Variants in GPHN observed in about 807,000 individuals in gnomAD.
The protein encoded by GPHN is gephyrin.
GPHN carries 17 observed loss-of-function variants against 95.5 expected under a neutral mutation model. That is an observed-to-expected ratio of 0.18 (90% CI 0.12 to 0.27). The LOEUF is 0.27. Ranked by LOEUF, GPHN falls within the 10% of genes least tolerant of loss-of-function variation. The pLI, the probability that GPHN is intolerant of heterozygous loss-of-function variation, is 1.00. For synonymous variants in GPHN, 320 were observed against 322.5 expected (o/e 0.99, Z 0.08); for missense variants, 660 against 978.1 (o/e 0.67, Z 4.34).
intron 17 of GPHN, among the ~76,000 whole-genome samples, chr14:67,134,936 C>T (rs1405253927): frequency 1.5e-3 from 87 of 59,346 alleles, no homozygotes; most frequent in Middle Eastern, 0.021. Flanking sequence ...CTCTTTTTTT[C>T]TCTTTCTTTC....
At chr14:67,299,449 C>T in the GPHN span, among the ~76,000 whole-genome samples, 1 of 152,058 alleles carries the variant, frequency 6.6e-6, no homozygotes, top group African/African-American at 2.4e-5. Context: ...TAACATACAT[C>T]ATTTTTATAA....
chr14:67,338,777 TG>T, the GPHN span: 1 of 1,598,978 alleles, frequency 6.3e-7, no homozygotes, highest in South Asian at 1.1e-5. Flanking sequence ...AAAATACAGG[TG>T]GGGGTGGATT....
chr14:67,054,242 A>G (rs2075444345), intron 10 of GPHN, among the ~76,000 whole-genome samples: 1 of 152,236 alleles, frequency 6.6e-6, no homozygotes, highest in Non-Finnish European at 1.5e-5. Context: ...TCTTAAGCTG[A>G]TAAGCACCTT....
Position 67,180,682 on chromosome 14 carries a change from A to G in GPHN, c.2177-122A>G, listed in dbSNP as rs1427649862. 6.7e-6 allele frequency: 6 copies of G among 892,164 alleles called. No individual in the cohort carries two copies. In the African/African-American group the frequency reaches 9.9e-5, roughly 15 times the overall value. The allele number at this position is 892,164 out of a possible 1,614,324, so 55.3% of individuals were successfully genotyped here. A position where few individuals can be genotyped will look rare whatever the true frequency, so the allele number is the denominator to read the frequency against. Reference sequence around the variant, plus strand: ...CCTGAAAAAGGTACTGGAAAGTTTGATCATCCCTTCTCCTCTTGAAGACCC... The same window carrying G: ...CCTGAAAAAGGTACTGGAAAGTTTGGTCATCCCTTCTCCTCTTGAAGACCC... On this transcript the variant is annotated intron_variant, in intron 22 of 22. Coordinates refer to ENST00000478722, the MANE Select transcript of GPHN (RefSeq NM_020806.5).
At chr14:67,286,672 C>G in the GPHN span, among the ~76,000 whole-genome samples, 10 of 144,418 alleles carry the variant, frequency 6.9e-5, no homozygotes, top group African/African-American at 2.3e-4. Flanking sequence ...CCTGGGCAAC[C>G]TGGTGAAACT....
chr14:67,530,164 C>T, the GPHN span, among the ~76,000 whole-genome samples: 1 of 152,206 alleles, frequency 6.6e-6, no homozygotes, highest in African/African-American at 2.4e-5. Flanking sequence ...TCGTAAACTC[C>T]AGCCAATATT....
the GPHN span, among the ~76,000 whole-genome samples, chr14:67,618,678 GC>G: frequency 6.6e-6 from 1 of 152,152 alleles, no homozygotes; most frequent in African/African-American, 2.4e-5. Context: ...ACCATGTGCA[GC>G]CAGTTTCTTC....
the GPHN span, chr14:67,199,141 C>T: frequency 3.3e-5 from 50 of 1,502,580 alleles, 1 homozygote; most frequent in Middle Eastern, 5.1e-4. Flanking sequence ...GTTAGTGAAC[C>T]GCTACTGTGG....
chr14:66,820,013 ATAT>A (rs1470989085), intron 3 of GPHN, among the ~76,000 whole-genome samples: 7 of 152,100 alleles, frequency 4.6e-5, no homozygotes, highest in African/African-American at 1.4e-4. Flanking sequence ...ATTAGAAGAG[ATAT>A]TATATGCTGA....
At chr14:66,550,847 T>G (rs963245410) in intron 1 of GPHN, among the ~76,000 whole-genome samples, 1 of 144,600 alleles carries the variant, frequency 6.9e-6, no homozygotes, top group Non-Finnish European at 1.6e-5. Flanking sequence ...AGCAGTAAGG[T>G]TTTTTTTTGT....
chr14:66,872,983 T>C (rs374956608), intron 4 of GPHN, among the ~76,000 whole-genome samples: 1 of 151,950 alleles, frequency 6.6e-6, no homozygotes, highest in Admixed American at 6.6e-5. Context: ...AAAAGACGGT[T>C]GGGCAAGATG....
the GPHN span, chr14:67,569,086 G>C: frequency 2.1e-5 from 26 of 1,242,800 alleles, no homozygotes; most frequent in African/African-American, 2.8e-4. Context: ...CCTGGAGGGG[G>C]TGGGATGGGC....
At chr14:67,359,672 G>T in the GPHN span, 2 of 1,614,168 alleles carry the variant, frequency 1.2e-6, no homozygotes, top group Middle Eastern at 1.7e-4. Flanking sequence ...GCGAGGGAAA[G>T]ATTTCAATTC....
At chr14:67,250,347 C>T in the GPHN span, among the ~76,000 whole-genome samples, 1 of 152,112 alleles carries the variant, frequency 6.6e-6, no homozygotes, top group Non-Finnish European at 1.5e-5. Context: ...TTCATTTATG[C>T]TCAGAAGTAC....
chr14:67,103,093 T>A (rs2077809378), intron 13 of GPHN, among the ~76,000 whole-genome samples: 1 of 152,188 alleles, frequency 6.6e-6, no homozygotes, highest in Non-Finnish European at 1.5e-5. Context: ...TCTGGGTTTT[T>A]TCTTGAGACA....
At chr14:67,116,258 A>G (rs1295978989) in intron 16 of GPHN, among the ~76,000 whole-genome samples, 1 of 151,996 alleles carries the variant, frequency 6.6e-6, no homozygotes, top group Non-Finnish European at 1.5e-5. Context: ...AAACAGAGTG[A>G]GACAAAGAAA....
At chr14:67,046,583 G>A (rs2075030119) in intron 10 of GPHN, among the ~76,000 whole-genome samples, 1 of 152,112 alleles carries the variant, frequency 6.6e-6, no homozygotes, top group African/African-American at 2.4e-5. Flanking sequence ...GGACAGCAAT[G>A]CCTATTTTAT....
chr14:66,629,080 C>CATATAT (rs35164691), intron 1 of GPHN, among the ~76,000 whole-genome samples: 2 of 111,870 alleles, frequency 1.8e-5, no homozygotes, highest in African/African-American at 4.1e-5. Context: ...AAAAAAAATA[C>CATATAT]ATATATATAT....
chr14:67,564,077 A>G, the GPHN span, among the ~76,000 whole-genome samples: 1 of 151,300 alleles, frequency 6.6e-6, no homozygotes, highest in Non-Finnish European at 1.5e-5. Flanking sequence ...AATTTTTTGT[A>G]TTTTTAGTAG....
Sources: allele counts gnomAD v4.1 joint callset (sites outside exome capture counted in the v4.1 genomes callset), GRCh38; gene constraint gnomAD v4.1.1; transcripts MANE v1.5; gene names NCBI Gene and HGNC (gene_info 2026-07-23, HGNC 2026-07-21).